Variants in HK2 observed in about 807,000 individuals in gnomAD.
HK2 encodes the protein hexokinase-2.
HK2 carries 42 observed loss-of-function variants against 92.9 expected under a neutral mutation model. The observed-to-expected ratio is 0.45, with a 90% CI of 0.35 to 0.58. The LOEUF (loss-of-function observed/expected upper bound fraction) is 0.58. HK2 is among the 20% of genes least tolerant of loss of function. HK2 has a pLI of 0.00. For synonymous variants in HK2, 422 were observed against 468.0 expected, an observed-to-expected ratio of 0.90 and a Z score of 1.27; for missense variants, 978 against 1,245.1, an observed-to-expected ratio of 0.79 and a Z score of 3.23.
At chr2:74,876,525 T>C (rs976951127) in intron 7 of HK2, among the ~76,000 whole-genome samples, 4 of 152,240 alleles carry the variant, frequency 2.6e-5, no homozygotes, top group Non-Finnish European at 4.4e-5. Flanking sequence ...CCCCTGCCTT[T>C]CTAAAACATC....
At chr2:74,870,400 A>G (rs114597914) in intron 3 of HK2, among the ~76,000 whole-genome samples, 280 of 151,836 alleles carry the variant, frequency 1.8e-3, no homozygotes, top group African/African-American at 6.3e-3. Context: ...TTCACGGTCT[A>G]TTTTTCTCTA....
intron 2 of HK2, among the ~76,000 whole-genome samples, chr2:74,863,977 C>G (rs772821062): frequency 2.0e-5 from 3 of 152,212 alleles, no homozygotes; most frequent in Non-Finnish European, 2.9e-5. Context: ...AAGGTTGGAT[C>G]AAATACAGTC....
At chr2:74,861,230 G>A (rs2103912519) in intron 2 of HK2, among the ~76,000 whole-genome samples, 1 of 152,244 alleles carries the variant, frequency 6.6e-6, no homozygotes, top group South Asian at 2.1e-4. Flanking sequence ...GACCAGCCTG[G>A]CCAACATGTT....
chr2:74,889,426 G>T lies in HK2; in HGVS notation c.2557G>T (p.Ala853Ser), dbSNP rs369758584. Residue 853 changes from alanine to serine, a missense_variant, in exon 17 of 18, where the codon GCT (alanine) becomes TCT (serine). Transcript: ENST00000290573. The part of the protein sequence containing the change: ...DRIRENRGLD[A>S]LKVTVGVDGT... ...GATACGAGAAAACCGTGGGCTGGAC[G>T]CTCTCAAAGTGACAGTGGGTGTGGA... 6.2e-7 allele frequency: 1 copy of T among 1,613,862 alleles called. No individual in the cohort carries two copies. The highest frequency in any genetic ancestry group is 8.5e-7 in the Non-Finnish European group (1 of 1,179,896).
rs372994036 is a variant in HK2, at chr2:74,892,768, G to T, written c.*1827G>T. ...TTTAAGCAAAGTTGGGTGTAATTAG[G>T]TGAAAACAGCCCAGGTCCTCCCGGG... On this transcript the variant is annotated 3_prime_UTR_variant, in exon 18 of 18. Transcript: ENST00000290573. 6.6e-6 allele frequency: 1 copy of T among 152,164 alleles called. No individual in the cohort carries two copies. Among genetic ancestry groups the T allele is most frequent in the African/African-American group, 2.4e-5 (1 of 41,444 alleles). The allele number at this position is 152,164 out of a possible 1,614,324, so 9.4% of individuals were successfully genotyped here.
intron 12 of HK2, among the ~76,000 whole-genome samples, chr2:74,883,677 C>T (rs1689454028): frequency 6.6e-6 from 1 of 152,240 alleles, no homozygotes; most frequent in Admixed American, 6.5e-5. Context: ...GCAATAAAAA[C>T]TCAGCTTAGT....
rs913589029 is a variant in HK2 at position 74,873,466 on chromosome 2, G to A, written c.591+95G>A. 20 of 829,532 alleles carry A rather than the reference G, an allele frequency of 2.4e-5. 1 individual carries two copies. The highest frequency in any genetic ancestry group is 2.3e-4 in the Middle Eastern group (1 of 4,422). The allele number at this position is 829,532 out of a possible 1,614,324, so 51.4% of individuals were successfully genotyped here. ...CCTTGACTCATCATTGTTTGCTTAC[G>A]TGGAGCTTAAGGAGAGTTCTCTTTT... On this transcript the variant is annotated intron_variant, in intron 5 of 17. Coordinates refer to ENST00000290573, the MANE Select transcript of HK2 (RefSeq NM_000189.5).
chr2:74,835,744 GGGATTAGCT>G (rs1688149635), intron 1 of HK2, among the ~76,000 whole-genome samples: 1 of 152,190 alleles, frequency 6.6e-6, no homozygotes, highest in Admixed American at 6.5e-5. Flanking sequence ...AAGTTGGGAG[GGGATTAGCT>G]GGAGGGAGGT....
chr2:74,891,498 A>G lies in HK2; in HGVS notation c.*557A>G, dbSNP rs1261944683. Reference sequence around the variant, plus strand: ...CAGCCCCTCTTTAACCTCATCTACAAGCATTTGCCCTGTGGATTCCAGCAT... The same window carrying G: ...CAGCCCCTCTTTAACCTCATCTACAGGCATTTGCCCTGTGGATTCCAGCAT... On this transcript the variant is annotated 3_prime_UTR_variant, in exon 18 of 18. Transcript: ENST00000290573. 1 of 157,010 alleles carries G rather than the reference A, an allele frequency of 6.4e-6. No homozygotes were observed. Among genetic ancestry groups the G allele is most frequent in the Non-Finnish European group, 1.4e-5 (1 of 70,788 alleles). The allele number at this position is 157,010 out of a possible 1,614,324, so 9.7% of individuals were successfully genotyped here.
intron 1 of HK2, among the ~76,000 whole-genome samples, chr2:74,851,026 TTC>T (rs1405478146): frequency 8.5e-6 from 1 of 117,126 alleles, no homozygotes; most frequent in Non-Finnish European, 2.0e-5. Flanking sequence ...GTTTCATATC[TTC>T]TCTCTTAGTC....
At position 74,880,565 on chromosome 2, in the gene HK2, C is replaced by T; in HGVS notation, c.1566C>T (p.Gly522=). The T allele has an allele frequency of 6.2e-7, 1 of 1,613,374 alleles. No individual in the cohort carries two copies. ...LPTYVCATPD[G]TEKGDFLALD... is the part of the protein sequence containing the mutation. ...CCTACGTGTGTGCTACCCCGGACGG[C>T]ACAGGTACACGGCAGGGTTGCCACC... The change falls in exon 10 of 18, where the codon GGC becomes GGT. Residue 522 remains glycine, a synonymous_variant. Transcript: ENST00000290573.
rs192777390 is a variant in HK2 at position 74,871,010 on chromosome 2, C to T, written c.376-1290C>T. Among the ~76,000 whole-genome samples the T allele has an allele frequency of 7.2e-5, 11 of 152,314 alleles. No individual in the cohort carries two copies. The East Asian group carries it at 1.9e-3, about 27-fold the overall frequency. ...CTAGGCATCAGGAGATCCAACAGGTCTGTCAGTTTCCCTCTCCCAACCTCT... is the reference window on the plus strand; with the variant it reads ...CTAGGCATCAGGAGATCCAACAGGTTTGTCAGTTTCCCTCTCCCAACCTCT... On this transcript the variant is annotated intron_variant, in intron 3 of 17. Transcript: ENST00000290573.
At chr2:74,867,399 T>TAA (rs151230031) in intron 2 of HK2, among the ~76,000 whole-genome samples, 4,760 of 147,508 alleles carry the variant, frequency 0.032, 233 homozygotes, top group African/African-American at 0.11. Flanking sequence ...AGTGAGGGAT[T>TAA]AAAAAAAAAA....
intron 2 of HK2, among the ~76,000 whole-genome samples, chr2:74,859,190 G>A (rs1368392967): frequency 2.0e-5 from 3 of 152,204 alleles, no homozygotes; most frequent in African/African-American, 7.2e-5. Flanking sequence ...AGTCCAGCTT[G>A]TTATAATTGA....
chr2:74,877,043 G>A (rs1689250174), intron 7 of HK2, 123 bp from the exon 8 acceptor site: 1 of 1,315,714 alleles, frequency 7.6e-7, no homozygotes, highest in African/African-American at 1.4e-5. Context: ...TTACTCCTGG[G>A]CCGTGCTGCA....
chr2:74,851,512 CTA>C (rs565257864), intron 1 of HK2, among the ~76,000 whole-genome samples: 22 of 152,318 alleles, frequency 1.4e-4, no homozygotes, highest in African/African-American at 4.6e-4. Context: ...CGAAGATAAA[CTA>C]AGATTGGCTG....
At chr2:74,863,235 C>A (rs1688871987) in intron 2 of HK2, among the ~76,000 whole-genome samples, 1 of 152,152 alleles carries the variant, frequency 6.6e-6, no homozygotes, top group African/African-American at 2.4e-5. Context: ...TGTTCCACAC[C>A]CCTCCCTTCA....
At chr2:74,884,229 A>G (rs1381057542) in intron 12 of HK2, among the ~76,000 whole-genome samples, 1 of 152,194 alleles carries the variant, frequency 6.6e-6, no homozygotes, top group Non-Finnish European at 1.5e-5. Context: ...TTCTCTGAGG[A>G]GCACGTGTTA....
chr2:74,870,063 C>T (rs142193199), intron 3 of HK2, among the ~76,000 whole-genome samples: 85 of 146,772 alleles, frequency 5.8e-4, no homozygotes, highest in East Asian at 3.6e-3. Flanking sequence ...CCCAAGAGTG[C>T]GGTGGCACCA....
Sources: allele counts gnomAD v4.1 joint callset (sites outside exome capture counted in the v4.1 genomes callset), GRCh38; gene constraint gnomAD v4.1.1; transcripts MANE v1.5; gene names NCBI Gene and HGNC (gene_info 2026-07-23, HGNC 2026-07-21).